SLC9A4: variants seen among roughly 807,000 people sequenced by gnomAD.
SLC9A4 encodes the protein solute carrier family 9 member A4.
A neutral mutation model predicts 67.4 loss-of-function variants in SLC9A4; 63 were observed. That is an observed-to-expected ratio of 0.93 (90% confidence interval 0.76 to 1.15). The LOEUF (loss-of-function observed/expected upper bound fraction) is 1.15. Ranked by LOEUF, SLC9A4 falls within the 50% of genes most tolerant of loss-of-function variation. The probability of loss-of-function intolerance (pLI) is 0.00; values close to 1 mark genes in which losing one functional copy is unlikely to be tolerated. For missense variants in SLC9A4, 1,089 were observed against 987.7 expected, an observed-to-expected ratio of 1.10 and a Z score of -1.38; for synonymous variants, 393 against 367.2, an observed-to-expected ratio of 1.07 and a Z score of -0.80.
At position 102,479,103 on chromosome 2, in the gene SLC9A4, GCCTCTC is replaced by G. The variant is rs1303874896; in HGVS notation, c.527_532del (p.Ser176_Leu177del). The G allele has an allele frequency of 1.2e-6, 2 of 1,614,046 alleles. No individual in the cohort carries two copies. Among genetic ancestry groups the G allele is most frequent in the African/African-American group, 2.7e-5 (2 of 74,938 alleles). On this transcript the variant is annotated inframe_deletion, in exon 2 of 12. Coordinates refer to ENST00000295269, the MANE Select transcript of SLC9A4 (RefSeq NM_001011552.4). ...GCCCTGATCAACGCCTTGGGCATTG[GCCTCTC>G]CCTCTACCTCATCTGCCAGGTGAAG...
At chr2:102,508,581 G>C (rs1043674203) in intron 5 of SLC9A4, among the ~76,000 whole-genome samples, 2 of 152,138 alleles carry the variant, frequency 1.3e-5, no homozygotes, top group Admixed American at 6.5e-5. Flanking sequence ...TTTTGTTTTA[G>C]TTGGAGTTAG....
intron 8 of SLC9A4, among the ~76,000 whole-genome samples, chr2:102,517,862 G>A (rs1479069634): frequency 6.6e-6 from 1 of 152,122 alleles, no homozygotes; most frequent in African/African-American, 2.4e-5. Flanking sequence ...CTCCTTTATG[G>A]ATAATGAATG....
At chr2:102,507,544 C>G (rs1056577258) in intron 4 of SLC9A4, among the ~76,000 whole-genome samples, 1 of 152,096 alleles carries the variant, frequency 6.6e-6, no homozygotes, top group African/African-American at 2.4e-5. Flanking sequence ...CCCTTGCCAA[C>G]TTCCTTCTTT....
intron 4 of SLC9A4, among the ~76,000 whole-genome samples, chr2:102,507,769 T>C (rs1297005475): frequency 1.3e-5 from 2 of 152,130 alleles, no homozygotes; most frequent in Non-Finnish European, 2.9e-5. Context: ...ATTATGAATA[T>C]AGATTAGAAA....
chr2:102,502,251 A>G (rs1684957415), intron 2 of SLC9A4, among the ~76,000 whole-genome samples: 1 of 152,114 alleles, frequency 6.6e-6, no homozygotes, highest in Non-Finnish European at 1.5e-5. Context: ...GTTCTGGGCT[A>G]TGGAGTGGCA....
In SLC9A4 at chr2:102,508,110, G is replaced by C; in HGVS notation, c.1230G>C (p.Gln410His). The C allele has an allele frequency of 6.2e-7, 1 of 1,614,156 alleles. No homozygotes were observed. Among genetic ancestry groups the C allele is most frequent in the Non-Finnish European group, 8.5e-7 (1 of 1,180,026 alleles). The change falls in exon 5 of 12, where the codon CAG becomes CAC. Residue 410 changes from glutamine (Q) to histidine (H), a missense_variant. Coordinates refer to ENST00000295269, the MANE Select transcript of SLC9A4 (RefSeq NM_001011552.4). Reference protein sequence around the residue: ...SVFALFYISNQFRTFPFSIKD... With the variant: ...SVFALFYISNHFRTFPFSIKD... The stretch of plus-strand genomic sequence containing the variant: ...TTGCTCTCTTCTATATCAGTAACCA[G>C]TTTCGGACTTTCCCCTTCTCCATCA...
intron 5 of SLC9A4, 90 bp from the exon 6 acceptor site, chr2:102,508,757 G>A: frequency 2.2e-6 from 2 of 926,126 alleles, no homozygotes; most frequent in African/African-American, 1.7e-5. Context: ...ATATAGATTG[G>A]ACATTCTAAT....
At chr2:102,510,782 G>A (rs916426853) in intron 6 of SLC9A4, among the ~76,000 whole-genome samples, 2 of 152,186 alleles carry the variant, frequency 1.3e-5, no homozygotes, top group Admixed American at 1.3e-4. Flanking sequence ...TGCAAACATG[G>A]CCGAGTGGCA....
chr2:102,530,508 A>C lies in SLC9A4; in HGVS notation c.2039-1822A>C, dbSNP rs545258114. ...AGCTCTCAGCCGAGTGAAACTTTGC[A>C]AGTCACATACCCATGCCTCTTCCTA... On this transcript the variant is annotated intron_variant, in intron 11 of 11. Coordinates refer to ENST00000295269, the MANE Select transcript of SLC9A4 (RefSeq NM_001011552.4). 1.3e-4 allele frequency among the ~76,000 whole-genome samples: 20 copies of C among 152,318 alleles called. No homozygotes were observed. The South Asian group carries it at 3.9e-3, about 30-fold the overall frequency.
intron 8 of SLC9A4, among the ~76,000 whole-genome samples, chr2:102,516,610 C>T (rs568474720): frequency 6.6e-6 from 1 of 152,312 alleles, no homozygotes; most frequent in Non-Finnish European, 1.5e-5. Context: ...CAGGAGAACA[C>T]TGCCACTATG....
At chr2:102,513,968 A>T in intron 7 of SLC9A4, 122 bp from the exon 8 acceptor site, 1 of 1,312,730 alleles carries the variant, frequency 7.6e-7, no homozygotes, top group Non-Finnish European at 1.0e-6. Flanking sequence ...AATTCCAGGC[A>T]CTGTCCTGAT....
chr2:102,497,495 C>T (rs1684833935), intron 2 of SLC9A4, among the ~76,000 whole-genome samples: 1 of 152,096 alleles, frequency 6.6e-6, no homozygotes. Flanking sequence ...TGGAATACTA[C>T]TCAGGTATAA....
intron 2 of SLC9A4, among the ~76,000 whole-genome samples, chr2:102,492,588 G>C (rs1045628777): frequency 6.6e-6 from 1 of 150,936 alleles, no homozygotes; most frequent in Non-Finnish European, 1.5e-5. Context: ...TCCTAAGGCT[G>C]CATAGAGCAG....
At position 102,505,308 on chromosome 2, in the gene SLC9A4, G is replaced by C. The variant is rs149694812; in HGVS notation, c.1035G>C (p.Gln345His). 3 of 1,614,096 alleles carry C rather than the reference G, an allele frequency of 1.9e-6. No homozygotes were observed. Among genetic ancestry groups the C allele is most frequent in the African/African-American group, 1.3e-5 (1 of 74,922 alleles). Residue 345 changes from glutamine (Q) to histidine (H), a missense_variant, in exon 4 of 12, where the codon CAG becomes CAC. By Grantham distance (24) the Gln-to-His change is conservative (BLOSUM62 0). Transcript: ENST00000295269. ...AGTACGTGGAAGAAAACGTGTCCCA[G>C]ACATCATACACGACCATCAAGTACT... ...MKKYVEENVS[Q>H]TSYTTIKYFM...
intron 11 of SLC9A4, among the ~76,000 whole-genome samples, chr2:102,530,095 T>G: frequency 6.6e-6 from 1 of 152,150 alleles, no homozygotes; most frequent in African/African-American, 2.4e-5. Context: ...AATGGTCAAT[T>G]TTATGTTACG....
chr2:102,520,573 G>A (rs1054585742), intron 9 of SLC9A4, among the ~76,000 whole-genome samples: 5 of 152,012 alleles, frequency 3.3e-5, no homozygotes, highest in African/African-American at 7.3e-5. Flanking sequence ...GTCATCTAAC[G>A]AAGTCATATA....
intron 11 of SLC9A4, among the ~76,000 whole-genome samples, 190 bp from the exon 12 acceptor site, chr2:102,532,140 C>T (rs1329035711): frequency 1.3e-5 from 2 of 152,208 alleles, no homozygotes; most frequent in East Asian, 3.9e-4. Flanking sequence ...GCACTTATAG[C>T]TTCTGTCCTC....
At chr2:102,478,099 ACAAT>A (rs1163698690) in intron 1 of SLC9A4, among the ~76,000 whole-genome samples, 3 of 152,196 alleles carry the variant, frequency 2.0e-5, no homozygotes, top group Non-Finnish European at 2.9e-5. Context: ...GGGAATTGAG[ACAAT>A]CAGAGACCCA....
intron 5 of SLC9A4, 135 bp downstream of exon 5, chr2:102,508,416 T>C (rs1392747568): frequency 2.4e-6 from 2 of 819,752 alleles, no homozygotes; most frequent in African/African-American, 3.5e-5. Context: ...TCCGGAGATT[T>C]CTAGATCATG....
Sources: allele counts gnomAD v4.1 joint callset (sites outside exome capture counted in the v4.1 genomes callset), GRCh38; gene constraint gnomAD v4.1.1; transcripts MANE v1.5; gene names NCBI Gene and HGNC (gene_info 2026-07-23, HGNC 2026-07-21).